The following DSG1 variants were observed in gnomAD, a reference collection of about 807,000 sequenced individuals.
DSG1 encodes the protein desmoglein-1.
A neutral mutation model predicts 97.5 loss-of-function variants in DSG1; 39 were observed. The ratio of observed to expected loss-of-function variants is 0.40; its 90% CI spans 0.31 to 0.52. The LOEUF is 0.52. Ranked by LOEUF, DSG1 falls within the 20% of genes least tolerant of loss-of-function variation. The pLI is 0.53. For synonymous variants in DSG1, 475 were observed against 443.4 expected, an observed-to-expected ratio of 1.07 and a Z score of -0.90; for missense variants, 1,311 against 1,295.4, an observed-to-expected ratio of 1.01 and a Z score of -0.18.
In DSG1 at chr18:31,326,609, G is replaced by A. The variant is rs371750753; in HGVS notation, c.77G>A (p.Arg26Gln). Reference protein sequence around the residue: ...LVVVEVNSEFRIQVRDYNTKN... With the variant: ...LVVVEVNSEFQIQVRDYNTKN... ...GTGGTAGAAGTTAACAGTGAATTCC[G>A]AATCCAGGTAATATATAACAAATCC... is the stretch of plus-strand genomic sequence containing the variant. Residue 26 changes from arginine (R) to glutamine (Q), a missense_variant, in exon 2 of 15, where the codon CGA (arginine) becomes CAA (glutamine). This residue lies in a region of DSG1 where 259 missense variants were observed against 304.1 expected (regional missense o/e 0.85). Transcript: ENST00000257192. 32 of 1,603,440 alleles carry A rather than the reference G, an allele frequency of 2.0e-5. No homozygotes were observed. The highest frequency in any genetic ancestry group is 1.5e-4 in the South Asian group (14 of 90,358).
chr18:31,346,196 C>A lies in DSG1; in HGVS notation c.2098C>A (p.Gln700Lys), dbSNP rs545049403. 1.2e-6 allele frequency: 2 copies of A among 1,612,754 alleles called. No homozygotes were observed. The highest frequency in any genetic ancestry group is 2.7e-5 in the African/African-American group (2 of 75,008). ...GAATTTCATGGAAAGCTACTTCTGT[C>A]AGGTAAGGTCCCTAGCCACATGCCT... ...NMNFMESYFC[Q>K]KAYAYADEDE... Residue 700 changes from glutamine (Q) to lysine (K), a missense_variant and splice_region_variant, in exon 14 of 15, where the codon CAG becomes AAG. Gln to Lys is a moderately conservative substitution (Grantham distance 53, BLOSUM62 1). Coordinates refer to ENST00000257192, the MANE Select transcript of DSG1 (RefSeq NM_001942.4).
chr18:31,339,711 A>G (rs778798596), intron 10 of DSG1, 33 bp from the exon 11 acceptor site: 9 of 1,543,078 alleles, frequency 5.8e-6, no homozygotes, highest in Non-Finnish European at 8.1e-6. Flanking sequence ...CTAAATGTCT[A>G]AAATATTTCT....
At chr18:31,354,109 A>C in intron 14 of DSG1, 188 bp from the exon 15 acceptor site, 1 of 604,152 alleles carries the variant, frequency 1.7e-6, no homozygotes, top group South Asian at 2.1e-5. Context: ...TATACTTAAA[A>C]TGATTTCTAA....
chr18:31,336,604 C>G lies in DSG1; in HGVS notation c.1256C>G (p.Thr419Arg). 1.2e-6 allele frequency: 2 copies of G among 1,613,968 alleles called. No individual in the cohort carries two copies. Among genetic ancestry groups the G allele is most frequent in the Non-Finnish European group, 1.7e-6 (2 of 1,179,912 alleles). ...ATDLDTGRPSTTVRYVMGNNP... is the reference protein window; with the variant it reads ...ATDLDTGRPSRTVRYVMGNNP... ...GACCTGGACACAGGTAGACCTTCAA[C>G]GACTGTTAGGTAAGAATGAGATTTT... Residue 419 changes from threonine (T) to arginine (R), a missense_variant, in exon 9 of 15, where the codon ACG becomes AGG. Transcript: ENST00000257192.
intron 7 of DSG1, 86 bp downstream of exon 7, chr18:31,333,809 TTA>T (rs2071735242): frequency 6.6e-7 from 1 of 1,512,052 alleles, no homozygotes; most frequent in Middle Eastern, 1.8e-4. Context: ...GAGGCACATG[TTA>T]TGTTTATTGA....
chr18:31,350,769 G>A (rs1296261978), intron 14 of DSG1, among the ~76,000 whole-genome samples: 4 of 151,298 alleles, frequency 2.6e-5, no homozygotes, highest in South Asian at 4.2e-4. Flanking sequence ...GGTGTTTGTA[G>A]TATTCTCTGA....
chr18:31,340,553 CAAA>C (rs202063226), intron 11 of DSG1, among the ~76,000 whole-genome samples: 3 of 93,226 alleles, frequency 3.2e-5, no homozygotes, highest in Non-Finnish European at 2.3e-5. Context: ...GGTTCAGTCT[CAAA>C]AAAAAAAAAA....
chr18:31,353,504 C>T (rs2071920271), intron 14 of DSG1, among the ~76,000 whole-genome samples: 2 of 152,116 alleles, frequency 1.3e-5, no homozygotes, highest in Non-Finnish European at 2.9e-5. Flanking sequence ...CCACCCAGTT[C>T]GAGCTTCCTG....
intron 8 of DSG1, among the ~76,000 whole-genome samples, chr18:31,335,642 C>T (rs2114269): frequency 0.41 from 62,623 of 150,956 alleles, 14,199 homozygotes; most frequent in Non-Finnish European, 0.5. Context: ...GAGTTCAATG[C>T]GTGAAATTCT....
At chr18:31,343,318 C>G in intron 11 of DSG1, 132 bp from the exon 12 acceptor site, 1 of 1,317,934 alleles carries the variant, frequency 7.6e-7, no homozygotes, top group Non-Finnish European at 1.1e-6. Flanking sequence ...AGCTTGTATT[C>G]TGAAACTTTC....
At chr18:31,320,906 G>T (rs557098014) in intron 1 of DSG1, among the ~76,000 whole-genome samples, 1 of 152,124 alleles carries the variant, frequency 6.6e-6, no homozygotes, top group Non-Finnish European at 1.5e-5. Context: ...TTGCAACTTT[G>T]CCAGGTCCAA....
At chr18:31,321,451 G>T (rs913807788) in intron 1 of DSG1, among the ~76,000 whole-genome samples, 2 of 152,110 alleles carry the variant, frequency 1.3e-5, no homozygotes, top group African/African-American at 4.8e-5. Context: ...ATATTTTGTA[G>T]AAAATGGAAG....
chr18:31,344,679 A>T (rs2071816980), intron 13 of DSG1, among the ~76,000 whole-genome samples: 2 of 152,216 alleles, frequency 1.3e-5, no homozygotes, highest in African/African-American at 4.8e-5. Flanking sequence ...GCCTTAAAAC[A>T]GGAATCTAGA....
At chr18:31,341,157 A>G (rs2071786632) in intron 11 of DSG1, among the ~76,000 whole-genome samples, 1 of 152,226 alleles carries the variant, frequency 6.6e-6, no homozygotes, top group African/African-American at 2.4e-5. Context: ...CACATGGCAC[A>G]GTCTTCGGGA....
intron 1 of DSG1, among the ~76,000 whole-genome samples, chr18:31,325,590 G>A (rs2144086262): frequency 6.6e-6 from 1 of 151,962 alleles, no homozygotes; most frequent in African/African-American, 2.4e-5. Context: ...TTTAAAATTT[G>A]GGCCATTTAC....
At chr18:31,354,188 T>G in intron 14 of DSG1, 109 bp from the exon 15 acceptor site, 1 of 921,354 alleles carries the variant, frequency 1.1e-6, no homozygotes, top group Non-Finnish European at 1.7e-6. Context: ...CTTGTTTTAT[T>G]TCATTCCTCT....
chr18:31,325,261 A>G (rs2144085857), intron 1 of DSG1, among the ~76,000 whole-genome samples: 1 of 152,350 alleles, frequency 6.6e-6, no homozygotes, highest in East Asian at 1.9e-4. Context: ...AGAGTGACCC[A>G]GCTTCATAAA....
intron 12 of DSG1, 105 bp downstream of exon 12, chr18:31,343,688 T>C (rs2071806545): frequency 6.5e-7 from 1 of 1,535,374 alleles, no homozygotes; most frequent in African/African-American, 1.4e-5. Flanking sequence ...CTGTTTTTTG[T>C]GCTGAGAAAG....
intron 3 of DSG1, 74 bp downstream of exon 3, chr18:31,327,079 A>G (rs1442695885): frequency 1.0e-5 from 16 of 1,575,824 alleles, no homozygotes; most frequent in Non-Finnish European, 1.4e-5. Flanking sequence ...TCTGCTAAAT[A>G]TTTCATGAAC....
Sources: gnomAD v4.1 joint callset for allele counts (sites outside exome capture counted in the v4.1 genomes callset) on GRCh38, gnomAD v4.1.1 for gene constraint, gnomAD v4.1.1 regional missense constraint, MANE v1.5 for transcripts, NCBI Gene and HGNC (gene_info 2026-07-23, HGNC 2026-07-21) for gene names.